Variants in TSPAN9 observed in about 807,000 individuals in gnomAD.
TSPAN9 encodes the protein tetraspanin-9.
In TSPAN9, 16 loss-of-function variants were observed where a neutral mutation model predicts 31.0. That is an observed-to-expected ratio of 0.52 (90% CI 0.35 to 0.78). The LOEUF is 0.78. TSPAN9 is among the 30% of genes least tolerant of loss of function. The pLI, the probability that TSPAN9 is intolerant of heterozygous loss-of-function variation, is 0.01. For synonymous variants in TSPAN9, 145 were observed against 121.6 expected (o/e 1.19, Z -1.27); for missense variants, 272 against 312.5 (o/e 0.87, Z 0.98).
chr12:3,127,989 A>G (rs1353464529), intron 2 of TSPAN9, among the ~76,000 whole-genome samples: 1 of 152,104 alleles, frequency 6.6e-6, no homozygotes, highest in Admixed American at 6.6e-5. Context: ...CACCACACAC[A>G]CGTCAAGACT....
At position 3,192,373 on chromosome 12, in the gene TSPAN9, G is replaced by T. The variant is rs982699738; in HGVS notation, c.-17-8804G>T. On this transcript the variant is annotated intron_variant, in intron 2 of 8. Transcript: ENST00000011898. The surrounding 1 kb of genome is among the most constrained non-coding windows in gnomAD (Gnocchi z 4.6). ...CAGGGGCTGCCGCAGGACCCCAGGC[G>T]AGCCATGAAGCAGGGCTGGACAAGG... is the stretch of plus-strand genomic sequence containing the variant. Among the ~76,000 whole-genome samples the T allele has an allele frequency of 1.3e-5, 2 of 152,128 alleles. No individual in the cohort carries two copies.
chr12:3,268,137 G>GCGT (rs1862571471), intron 3 of TSPAN9, among the ~76,000 whole-genome samples: 3 of 141,350 alleles, frequency 2.1e-5, no homozygotes, highest in Admixed American at 7.5e-5. Context: ...TATTCCGTAG[G>GCGT]TGCTGCAGCC....
chr12:3,139,016 T>C (rs1304408812), intron 2 of TSPAN9, among the ~76,000 whole-genome samples: 1 of 152,154 alleles, frequency 6.6e-6, no homozygotes, highest in African/African-American at 2.4e-5. Flanking sequence ...GGAGGGTTTC[T>C]CTGGGCCTGC....
At chr12:3,130,613 G>A (rs1034604368) in intron 2 of TSPAN9, among the ~76,000 whole-genome samples, 84 of 152,168 alleles carry the variant, frequency 5.5e-4, no homozygotes, top group Admixed American at 2.0e-4. Flanking sequence ...CTAACTGCGT[G>A]ACCTCGGGCA....
intron 3 of TSPAN9, among the ~76,000 whole-genome samples, chr12:3,270,211 G>A (rs1268628470): frequency 6.6e-6 from 1 of 152,214 alleles, no homozygotes; most frequent in Non-Finnish European, 1.5e-5. Context: ...GAAAGATGCT[G>A]GCACCCAAGA....
At chr12:3,078,496 G>C (rs10848783) in intron 1 of TSPAN9, among the ~76,000 whole-genome samples, 85,532 of 152,034 alleles carry the variant, frequency 0.56, 27,371 homozygotes, top group Non-Finnish European at 0.69. Flanking sequence ...ATAGAGATAC[G>C]CAGCCAGCTT....
intron 2 of TSPAN9, among the ~76,000 whole-genome samples, chr12:3,136,233 C>G (rs555114446): frequency 1.3e-5 from 2 of 152,224 alleles, no homozygotes; most frequent in Non-Finnish European, 2.9e-5. Context: ...GTTTCCTCCT[C>G]TTTGAGGGGC....
chr12:3,168,822 A>G lies in TSPAN9; in HGVS notation c.-17-32355A>G, dbSNP rs568879368. Among the ~76,000 whole-genome samples, 1 of 152,314 alleles carries G rather than the reference A, an allele frequency of 6.6e-6. No individual in the cohort carries two copies. The highest frequency in any genetic ancestry group is 2.1e-4 in the South Asian group (1 of 4,824). On this transcript the variant is annotated intron_variant, in intron 2 of 8. Coordinates refer to ENST00000011898, the MANE Select transcript of TSPAN9 (RefSeq NM_006675.5). This position sits in a 1 kb window ranked among gnomAD's most constrained non-coding sequence, Gnocchi z 4.0. ...AAAGTACTCGTTGAGTAAATGAATG[A>G]ATCAGATGCGCTGCCTCGATGGCCC...
Position 3,280,278 on chromosome 12 carries a change from T to C in TSPAN9, c.331-104T>C. The C allele has an allele frequency of 9.7e-7, 1 of 1,034,810 alleles. No individual in the cohort carries two copies. The highest frequency in any genetic ancestry group is 1.5e-6 in the Non-Finnish European group (1 of 687,148). 64.1% of individuals were successfully genotyped at this position (1,034,810 alleles called of 1,614,324 possible). A position where few individuals can be genotyped will look rare whatever the true frequency, so the allele number is the denominator to read the frequency against. On this transcript the variant is annotated intron_variant, in intron 5 of 8. Transcript: ENST00000011898. This position sits in a 1 kb window ranked among gnomAD's most constrained non-coding sequence, Gnocchi z 4.5. ...AGACCAGCTGCCTTCCCTGCCTTCCTCACTCCTCATCTGTCACCCACCATC... is the reference window on the plus strand; with the variant it reads ...AGACCAGCTGCCTTCCCTGCCTTCCCCACTCCTCATCTGTCACCCACCATC...
chr12:3,167,543 A>C (rs147978587), intron 2 of TSPAN9, among the ~76,000 whole-genome samples: 85 of 152,262 alleles, frequency 5.6e-4, no homozygotes, highest in African/African-American at 2.0e-3. Context: ...GTGCTAATAA[A>C]ACTAGTGGGA....
rs75180557 is a variant in TSPAN9 at position 3,090,583 on chromosome 12, G to A, written c.-18+6864G>A. Among the ~76,000 whole-genome samples the A allele has an allele frequency of 4.7e-4, 71 of 152,302 alleles. 1 individual carries two copies. The highest frequency in any genetic ancestry group is 4.3e-3 in the Admixed American group (66 of 15,304). ...ATCTAGGCCCTGAAGCCTCACACACGCATTGTCTGTTGATTGCTGGTAACA... is the reference window on the plus strand; with the variant it reads ...ATCTAGGCCCTGAAGCCTCACACACACATTGTCTGTTGATTGCTGGTAACA... On this transcript the variant is annotated intron_variant, in intron 2 of 8. Coordinates refer to ENST00000011898, the MANE Select transcript of TSPAN9 (RefSeq NM_006675.5).
At chr12:3,275,532 T>C (rs1362350083) in intron 3 of TSPAN9, among the ~76,000 whole-genome samples, 3 of 152,272 alleles carry the variant, frequency 2.0e-5, no homozygotes, top group Non-Finnish European at 1.5e-5. Flanking sequence ...GCATAGAAAC[T>C]GACCAGATTG....
Position 3,165,693 on chromosome 12 carries a change from G to T in TSPAN9, c.-17-35484G>T, listed in dbSNP as rs369961213. Reference sequence around the variant, plus strand: ...CCTCTGCTTGTAAGCTCTCAAGGCCGCGAGTGAGCTGTAGGCAGTCCGTCT... The same window carrying T: ...CCTCTGCTTGTAAGCTCTCAAGGCCTCGAGTGAGCTGTAGGCAGTCCGTCT... On this transcript the variant is annotated intron_variant, in intron 2 of 8. Transcript: ENST00000011898. 2.0e-5 allele frequency among the ~76,000 whole-genome samples: 3 copies of T among 152,274 alleles called. No homozygotes were observed. In the East Asian group the frequency reaches 5.8e-4, roughly 29 times the overall value.
chr12:3,245,217 C>T (rs1042979769), intron 3 of TSPAN9, among the ~76,000 whole-genome samples: 1 of 152,200 alleles, frequency 6.6e-6, no homozygotes, highest in African/African-American at 2.4e-5. Context: ...GTGCCTGGAC[C>T]AAAGCACGTT....
At chr12:3,243,348 C>T (rs588040) in intron 3 of TSPAN9, among the ~76,000 whole-genome samples, 105,497 of 152,094 alleles carry the variant, frequency 0.69, 37,928 homozygotes, top group Non-Finnish European at 0.79. Context: ...GAATTCCTGC[C>T]GCAGCCCCAG....
chr12:3,121,586 C>T (rs2098325188), intron 2 of TSPAN9, among the ~76,000 whole-genome samples: 1 of 122,812 alleles, frequency 8.1e-6, no homozygotes, highest in Non-Finnish European at 1.6e-5. Flanking sequence ...CTATGTTTTC[C>T]AGGCTGGTCT....
intron 2 of TSPAN9, among the ~76,000 whole-genome samples, chr12:3,152,030 TGTGATTTGCTGCTTGGCGC>T (rs2098340021): frequency 6.6e-6 from 1 of 152,256 alleles, no homozygotes; most frequent in Admixed American, 6.5e-5. Flanking sequence ...TGGAGGGGGC[TGTGATTTGCTGCTTGGCGC>T]AGACAACTCT....
chr12:3,200,093 C>G (rs1412270345), intron 2 of TSPAN9: 1 of 152,470 alleles, frequency 6.6e-6, no homozygotes, highest in Non-Finnish European at 1.5e-5. Context: ...GAGACCAGCG[C>G]TTTCCGTTGA....
intron 3 of TSPAN9, among the ~76,000 whole-genome samples, chr12:3,229,315 G>A (rs962113954): frequency 2.6e-5 from 4 of 152,212 alleles, no homozygotes; most frequent in African/African-American, 7.2e-5. Flanking sequence ...TCCCTGCCTT[G>A]GGTCTCAACC....
Sources: gnomAD v4.1 joint callset for allele counts (sites outside exome capture counted in the v4.1 genomes callset) on GRCh38, gnomAD v4.1.1 for gene constraint, Gnocchi (gnomAD v3.1) non-coding constraint, MANE v1.5 for transcripts, NCBI Gene and HGNC (gene_info 2026-07-23, HGNC 2026-07-21) for gene names.